The following ANKRD11 variants were observed in gnomAD, a reference collection of about 807,000 sequenced individuals.
ANKRD11 encodes the protein ankyrin repeat domain-containing protein 11.
In ANKRD11, 17 loss-of-function variants were observed where a neutral mutation model predicts 195.7. The observed-to-expected ratio is 0.09, with a 90% CI of 0.06 to 0.13. The LOEUF (loss-of-function observed/expected upper bound fraction) is 0.13, where lower values mean the gene tolerates loss of function less well. ANKRD11 is among the 10% of genes least tolerant of loss of function. ANKRD11 has a pLI of 1.00. For missense variants in ANKRD11, 3,735 were observed against 3,566.1 expected (o/e 1.05, Z -1.21); for synonymous variants, 1,953 against 1,528.1 (o/e 1.28, Z -6.49).
intron 1 of ANKRD11, among the ~76,000 whole-genome samples, chr16:89,450,943 C>A (rs1472920883): frequency 6.6e-6 from 1 of 152,202 alleles, no homozygotes; most frequent in Non-Finnish European, 1.5e-5. Context: ...AGCTGGCTCA[C>A]CACCCAGCTA....
At chr16:89,323,414 G>T (rs1350003207) in intron 2 of ANKRD11, 3 of 1,157,400 alleles carry the variant, frequency 2.6e-6, no homozygotes, top group East Asian at 5.8e-5. Context: ...CAGGGCAGGG[G>T]GGCTGAGCCG....
intron 4 of ANKRD11, chr16:89,297,391 G>T (rs991402501): frequency 6.6e-6 from 1 of 152,192 alleles, no homozygotes; most frequent in African/African-American, 2.4e-5. Flanking sequence ...TCATGGAACT[G>T]ATGGGCAGGG....
At chr16:89,355,863 C>T (rs1039064105) in intron 2 of ANKRD11, among the ~76,000 whole-genome samples, 5 of 152,126 alleles carry the variant, frequency 3.3e-5, no homozygotes, top group African/African-American at 1.2e-4. Flanking sequence ...GGCAGAGTGA[C>T]CGATGAGATA....
At position 89,337,837 on chromosome 16, in the gene ANKRD11, T is replaced by A. The variant is rs534931780; in HGVS notation, c.-59-20759A>T. On this transcript the variant is annotated intron_variant, in intron 2 of 12. Transcript: ENST00000301030. ...GCACGAGCAAGGCTGGAGTCAGCAA[T>A]GCCTGTTCCTCTCCCTCTGTTCTCT... Among the ~76,000 whole-genome samples the A allele has an allele frequency of 3.3e-5, 5 of 152,256 alleles. No homozygotes were observed. In the East Asian group the frequency reaches 9.7e-4, roughly 29 times the overall value.
At chr16:89,365,969 T>C (rs1202769751) in intron 2 of ANKRD11, among the ~76,000 whole-genome samples, 1 of 152,118 alleles carries the variant, frequency 6.6e-6, no homozygotes, top group African/African-American at 2.4e-5. Context: ...TATTTGGTTT[T>C]CTGTCCCTGC....
At chr16:89,339,958 T>C (rs1452736866) in intron 2 of ANKRD11, 3 of 152,226 alleles carry the variant, frequency 2.0e-5, no homozygotes, top group Non-Finnish European at 1.5e-5. Flanking sequence ...CTTCAAGTTG[T>C]GCTCTGGGGT....
At chr16:89,435,592 C>T (rs150428007) in intron 1 of ANKRD11, among the ~76,000 whole-genome samples, 2,492 of 152,232 alleles carry the variant, frequency 0.016, 39 homozygotes, top group Middle Eastern at 0.051. Context: ...TCCGGACACA[C>T]CATCTTTAAG....
chr16:89,282,003 C>T lies in ANKRD11; in HGVS notation c.4539G>A (p.Val1513=), dbSNP rs1363981089. 1.9e-6 allele frequency: 3 copies of T among 1,613,154 alleles called. No homozygotes were observed. The African/African-American group carries it at 4.0e-5, about 22-fold the overall frequency. ...CCTCGTCCCTGGACTTGTCTTTGAG[C>T]ACGCGGGGCGGGCTGTCCTTGTCCC... The part of the protein sequence containing the change: ...ATRDKDSPPR[V]LKDKSRDEGP... Residue 1513 remains valine (V), a synonymous_variant, in exon 9 of 13, where the codon GTG becomes GTA. Coordinates refer to ENST00000301030, the MANE Select transcript of ANKRD11 (RefSeq NM_013275.6).
At chr16:89,482,336 T>TA (rs1012694507) in intron 1 of ANKRD11, among the ~76,000 whole-genome samples, 2 of 151,726 alleles carry the variant, frequency 1.3e-5, no homozygotes, top group South Asian at 2.1e-4. Flanking sequence ...CACAAAGACA[T>TA]AAAAAAAGAT....
chr16:89,428,546 A>C (rs1236746930), intron 1 of ANKRD11, among the ~76,000 whole-genome samples: 1 of 151,942 alleles, frequency 6.6e-6, no homozygotes, highest in Non-Finnish European at 1.5e-5. Flanking sequence ...ATGAATGATG[A>C]ATGAATGAAT....
chr16:89,336,307 C>T (rs1433918109), intron 2 of ANKRD11, among the ~76,000 whole-genome samples: 8 of 152,226 alleles, frequency 5.3e-5, no homozygotes, highest in Middle Eastern at 3.2e-3. Flanking sequence ...AATGCACACA[C>T]GCCAGGGCAC....
chr16:89,452,379 C>T (rs1443348002), intron 1 of ANKRD11, among the ~76,000 whole-genome samples: 5 of 152,222 alleles, frequency 3.3e-5, no homozygotes, highest in Non-Finnish European at 7.3e-5. Flanking sequence ...CCAACCATGC[C>T]TGGTGTCCTG....
intron 2 of ANKRD11, among the ~76,000 whole-genome samples, chr16:89,355,338 GAACGTGCAGGACTCCAACACA>G (rs1390377382): frequency 4.6e-5 from 7 of 152,180 alleles, no homozygotes; most frequent in African/African-American, 1.2e-4. Context: ...GACCAAAGAG[GAACGTGCAGGACTCCAACACA>G]AACGGAGGAC....
At chr16:89,487,962 G>A (rs1053203729) in intron 1 of ANKRD11, among the ~76,000 whole-genome samples, 8 of 146,188 alleles carry the variant, frequency 5.5e-5, no homozygotes, top group African/African-American at 2.0e-4. Flanking sequence ...TGATGGCACT[G>A]CTGGTATGGG....
intron 2 of ANKRD11, among the ~76,000 whole-genome samples, chr16:89,337,429 C>CTTTTTTTTTTTTTTTTTTTTTTTT (rs1165680827): frequency 1.9e-5 from 1 of 53,118 alleles, no homozygotes; most frequent in African/African-American, 8.2e-5. Flanking sequence ...CTAAGCAATT[C>CTTTTTTTTTTTTTTTTTTTTTTTT]TTTTTTTTTT....
chr16:89,399,093 C>A (rs1478760831), intron 2 of ANKRD11, among the ~76,000 whole-genome samples: 1 of 152,234 alleles, frequency 6.6e-6, no homozygotes, highest in Non-Finnish European at 1.5e-5. Context: ...TCCCTGAACA[C>A]TGACCTCCTG....
chr16:89,358,110 G>C (rs1362162046), intron 2 of ANKRD11, among the ~76,000 whole-genome samples: 4 of 152,242 alleles, frequency 2.6e-5, no homozygotes, highest in African/African-American at 9.6e-5. Context: ...CACAGGTCAA[G>C]CTGTGACAGT....
chr16:89,460,943 A>G (rs1326027239), intron 1 of ANKRD11, among the ~76,000 whole-genome samples: 1 of 141,720 alleles, frequency 7.1e-6, no homozygotes, highest in African/African-American at 2.6e-5. Context: ...GACATTCATA[A>G]GAGAAGAAAG....
At chr16:89,339,275 C>G (rs777493643) in intron 2 of ANKRD11, among the ~76,000 whole-genome samples, 2 of 152,188 alleles carry the variant, frequency 1.3e-5, no homozygotes, top group Non-Finnish European at 2.9e-5. Flanking sequence ...GGCAATAGAA[C>G]GACCTAGAGA....
Sources: allele counts gnomAD v4.1 joint callset (sites outside exome capture counted in the v4.1 genomes callset), GRCh38; gene constraint gnomAD v4.1.1; transcripts MANE v1.5; gene names NCBI Gene and HGNC (gene_info 2026-07-23, HGNC 2026-07-21).